The following SAMSN1 variants were observed in gnomAD, a reference collection of about 807,000 sequenced individuals.
The protein encoded by SAMSN1 is SAM domain-containing protein SAMSN-1.
SAMSN1 carries 31 observed loss-of-function variants against 42.0 expected under a neutral mutation model. That is an observed-to-expected ratio of 0.74 (90% confidence interval 0.55 to 1.00). The LOEUF (loss-of-function observed/expected upper bound fraction) is 1.00, where lower values mean the gene tolerates loss of function less well. SAMSN1 is among the 50% of genes least tolerant of loss of function. SAMSN1 has a pLI of 0.00. For missense variants in SAMSN1, 464 were observed against 439.4 expected (o/e 1.06, Z -0.50); for synonymous variants, 178 against 151.9 (o/e 1.17, Z -1.26).
At chr21:14,550,655 A>G (rs1375000979), upstream of SAMSN1, among the ~76,000 whole-genome samples, 2 of 152,140 alleles carry the variant, frequency 1.3e-5, no homozygotes, top group African/African-American at 4.8e-5. Flanking sequence ...CATACATTCA[A>G]CTAACAAGGA....
At chr21:14,539,455 C>A (rs564180918) in intron 1 of SAMSN1, among the ~76,000 whole-genome samples, 28 of 152,218 alleles carry the variant, frequency 1.8e-4, no homozygotes, top group African/African-American at 5.8e-4. Context: ...TCTCAGGATA[C>A]AAAATCAGTG....
intron 2 of SAMSN1, among the ~76,000 whole-genome samples, chr21:14,518,114 G>T (rs147404214): frequency 5.9e-5 from 9 of 152,328 alleles, no homozygotes; most frequent in African/African-American, 2.2e-4. Context: ...TTTGCCATTG[G>T]CTTCCGCCAG....
At chr21:14,576,017 AAG>A (rs1169875573) in intron 2 of SAMSN1, among the ~76,000 whole-genome samples, 2 of 152,366 alleles carry the variant, frequency 1.3e-5, no homozygotes, top group South Asian at 2.1e-4. Flanking sequence ...TGAAGATGTG[AAG>A]ATGGAAAAAA....
intron 1 of SAMSN1, among the ~76,000 whole-genome samples, chr21:14,658,362 A>G (rs1983948500): frequency 1.3e-5 from 2 of 152,002 alleles, no homozygotes; most frequent in South Asian, 4.1e-4. Context: ...AGGAACAAAG[A>G]AGAAATTTTG....
At chr21:14,561,810 A>G (rs1230014984) in intron 2 of SAMSN1, among the ~76,000 whole-genome samples, 1 of 152,264 alleles carries the variant, frequency 6.6e-6, no homozygotes, top group Non-Finnish European at 1.5e-5. Flanking sequence ...GGATGACCAT[A>G]TAAGAACAAA....
intron 4 of SAMSN1, chr21:14,609,649 AG>A: frequency 1.4e-6 from 1 of 706,050 alleles, no homozygotes. Context: ...AATCAAAACA[AG>A]TTCAGCACAG....
chr21:14,635,028 G>T (rs559477160), intron 2 of SAMSN1, among the ~76,000 whole-genome samples: 3 of 152,142 alleles, frequency 2.0e-5, no homozygotes, highest in Non-Finnish European at 2.9e-5. Flanking sequence ...CATGTCCTTT[G>T]CAGGGACATG....
chr21:14,549,627 G>A (rs1980534043), upstream of SAMSN1, among the ~76,000 whole-genome samples: 1 of 152,074 alleles, frequency 6.6e-6, no homozygotes, highest in Non-Finnish European at 1.5e-5. Flanking sequence ...TTGAAAATAA[G>A]CAAAATAAGG....
rs190702417 is a variant in SAMSN1 at position 14,575,653 on chromosome 21, C to T, written c.261+6483G>A. On this transcript the variant is annotated intron_variant, in intron 2 of 8. Coordinates refer to the SAMSN1 transcript ENST00000285670. ...TGATAGTTCATAGTCTACCTTCTTC[C>T]GGGTGAGTGTGTGAGCTTTCTTCTT... Among the ~76,000 whole-genome samples, 446 of 152,256 alleles carry T rather than the reference C, an allele frequency of 2.9e-3. 1 individual carries two copies. Among genetic ancestry groups the T allele is most frequent in the African/African-American group, 1.0e-2 (415 of 41,548 alleles).
rs573099719 is a variant in SAMSN1, at chr21:14,642,721, C to T, written c.156+281G>A. On this transcript the variant is annotated intron_variant, in intron 2 of 15. Coordinates refer to the SAMSN1 transcript ENST00000647101. Reference sequence around the variant, plus strand: ...ATCTTGCCTTTCTTTCTCGCAACTTCCAAATCTAGAAAATGATATAATTAT... The same window carrying T: ...ATCTTGCCTTTCTTTCTCGCAACTTTCAAATCTAGAAAATGATATAATTAT... Among the ~76,000 whole-genome samples the T allele has an allele frequency of 6.3e-4, 96 of 152,202 alleles. 2 individuals carry two copies. The highest frequency in any genetic ancestry group is 5.8e-3 in the South Asian group (28 of 4,822).
chr21:14,569,108 T>C (rs1251386905), intron 2 of SAMSN1, among the ~76,000 whole-genome samples: 1 of 147,226 alleles, frequency 6.8e-6, no homozygotes, highest in Non-Finnish European at 1.5e-5. Flanking sequence ...CTAGGCAACA[T>C]AGCAATACCT....
At chr21:14,619,100 TAGAA>T (rs1467758275) in intron 2 of SAMSN1, among the ~76,000 whole-genome samples, 1 of 152,134 alleles carries the variant, frequency 6.6e-6, no homozygotes, top group Admixed American at 6.5e-5. Context: ...TTTTAAAAAA[TAGAA>T]AGAGAAGATG....
At chr21:14,486,376 G>T (rs2822695) in intron 7 of SAMSN1, among the ~76,000 whole-genome samples, 23,453 of 151,960 alleles carry the variant, frequency 0.15, 2,625 homozygotes, top group African/African-American at 0.31. Context: ...TGAACTTCCC[G>T]CATCAGCAAA....
chr21:14,587,744 C>T (rs569973978), upstream of SAMSN1, among the ~76,000 whole-genome samples: 7 of 150,742 alleles, frequency 4.6e-5, no homozygotes, highest in African/African-American at 1.5e-4. Flanking sequence ...TATCCATCAC[C>T]TTATTTATTT....
rs1370441578 is a variant in SAMSN1 at position 14,577,278 on chromosome 21, ATATATAT to A, written c.261+4851_261+4857del. ...TATATATATATATATATATATATAT[ATATATAT>A]TTTTTTTTTAGAAGAGACAGGGTTT... On this transcript the variant is annotated intron_variant, in intron 2 of 8. Coordinates refer to the SAMSN1 transcript ENST00000285670. 6.1e-4 allele frequency among the ~76,000 whole-genome samples: 29 copies of A among 47,592 alleles called. 2 individuals carry two copies. Among genetic ancestry groups the A allele is most frequent in the Non-Finnish European group, 7.3e-4 (20 of 27,410 alleles). 31.2% of individuals were successfully genotyped at this position (47,592 alleles called of 152,430 possible). A position where few individuals can be genotyped will look rare whatever the true frequency, so the allele number is the denominator to read the frequency against.
chr21:14,633,539 T>G (rs1354185314), intron 2 of SAMSN1, among the ~76,000 whole-genome samples: 1 of 152,216 alleles, frequency 6.6e-6, no homozygotes, highest in East Asian at 1.9e-4. Context: ...TTTTCCATTT[T>G]AATGCTCTTA....
intron 1 of SAMSN1, among the ~76,000 whole-genome samples, chr21:14,522,741 C>T (rs1978575992): frequency 6.6e-6 from 1 of 152,190 alleles, no homozygotes; most frequent in Non-Finnish European, 1.5e-5. Context: ...GCGATCCATA[C>T]ATATATTTAA....
In SAMSN1 at chr21:14,540,945, G is replaced by A. The variant is rs1023331749; in HGVS notation, c.57+5260C>T. Reference sequence around the variant, plus strand: ...TGGCACATACACCATGGAATACCATGCAGCCATAAAAAATGATGAGTTCAT... The same window carrying A: ...TGGCACATACACCATGGAATACCATACAGCCATAAAAAATGATGAGTTCAT... On this transcript the variant is annotated intron_variant, in intron 1 of 7. Coordinates refer to ENST00000400566, the MANE Select transcript of SAMSN1 (RefSeq NM_022136.5). 2.2e-4 allele frequency among the ~76,000 whole-genome samples: 33 copies of A among 152,282 alleles called. 5 individuals are homozygous for A. The highest frequency in any genetic ancestry group is 1.2e-3 in the Admixed American group (19 of 15,294).
intron 1 of SAMSN1, among the ~76,000 whole-genome samples, chr21:14,654,387 T>A (rs1004405958): frequency 1.3e-5 from 2 of 152,036 alleles, no homozygotes; most frequent in African/African-American, 4.8e-5. Context: ...TACGTAAACA[T>A]GTAGGGAAAC....
Sources: allele counts gnomAD v4.1 joint callset (sites outside exome capture counted in the v4.1 genomes callset), GRCh38; gene constraint gnomAD v4.1.1; transcripts MANE v1.5; gene names NCBI Gene and HGNC (gene_info 2026-07-23, HGNC 2026-07-21).